JAZF1: variants seen among roughly 807,000 people sequenced by gnomAD.
JAZF1 encodes JAZF zinc finger 1, also known as juxtaposed with another zinc finger protein 1.
A neutral mutation model predicts 26.4 loss-of-function variants in JAZF1; 8 were observed. The ratio of observed to expected loss-of-function variants is 0.30; its 90% CI spans 0.18 to 0.55. JAZF1 has a LOEUF of 0.55. JAZF1 is among the 20% of genes least tolerant of loss of function. The probability of loss-of-function intolerance (pLI) is 0.94; values close to 1 mark genes in which losing one functional copy is unlikely to be tolerated. For synonymous variants in JAZF1, 126 were observed against 122.3 expected (o/e 1.03, Z -0.20); for missense variants, 199 against 322.0 (o/e 0.62, Z 2.92).
intron 1 of JAZF1, among the ~76,000 whole-genome samples, chr7:28,175,527 C>A (rs557563656): frequency 6.6e-6 from 1 of 152,302 alleles, no homozygotes; most frequent in South Asian, 2.1e-4. Context: ...TGCTACTATC[C>A]TCATTTTACA....
chr7:28,011,788 C>T (rs377728347), intron 1 of JAZF1, among the ~76,000 whole-genome samples: 1 of 152,196 alleles, frequency 6.6e-6, no homozygotes, highest in East Asian at 1.9e-4. Context: ...CCTCTCTCTC[C>T]AGCCCTTCTT....
At chr7:27,958,654 G>A (rs1489145035) in intron 2 of JAZF1, among the ~76,000 whole-genome samples, 2 of 152,142 alleles carry the variant, frequency 1.3e-5, no homozygotes, top group Non-Finnish European at 1.5e-5. Flanking sequence ...TTCTTGTTTC[G>A]AGCCAGGGGT....
chr7:28,168,757 C>T (rs754927420), intron 1 of JAZF1, among the ~76,000 whole-genome samples: 1 of 152,212 alleles, frequency 6.6e-6, no homozygotes, highest in African/African-American at 2.4e-5. Flanking sequence ...CTAAAAACTA[C>T]ACCCACAGAA....
chr7:28,132,203 A>G (rs1782806218), intron 1 of JAZF1, among the ~76,000 whole-genome samples: 1 of 152,226 alleles, frequency 6.6e-6, no homozygotes, highest in Non-Finnish European at 1.5e-5. Context: ...TAGGGTAAGC[A>G]GTACATGGCG....
intron 1 of JAZF1, among the ~76,000 whole-genome samples, chr7:28,162,019 T>C (rs1168288286): frequency 1.3e-5 from 2 of 152,210 alleles, no homozygotes; most frequent in African/African-American, 2.4e-5. Flanking sequence ...GCACAATAAA[T>C]TGTAATTGCT....
intron 2 of JAZF1, among the ~76,000 whole-genome samples, chr7:27,901,749 C>A (rs1784163506): frequency 6.6e-6 from 1 of 152,146 alleles, no homozygotes; most frequent in Non-Finnish European, 1.5e-5. Flanking sequence ...AACTGGTGGC[C>A]TCCGGGAGTC....
chr7:27,993,427 CG>C (rs1785945968), intron 1 of JAZF1, among the ~76,000 whole-genome samples: 1 of 152,142 alleles, frequency 6.6e-6, no homozygotes, highest in Non-Finnish European at 1.5e-5. Context: ...CCACTCTTCA[CG>C]GGGAAACGCA....
intron 1 of JAZF1, among the ~76,000 whole-genome samples, chr7:28,102,101 C>T (rs1366426935): frequency 1.3e-5 from 2 of 152,194 alleles, no homozygotes; most frequent in Non-Finnish European, 2.9e-5. Context: ...TGTGCCACCA[C>T]CCTGATTGCC....
At chr7:27,988,530 C>T (rs933638734) in intron 2 of JAZF1, among the ~76,000 whole-genome samples, 2 of 152,068 alleles carry the variant, frequency 1.3e-5, no homozygotes, top group African/African-American at 4.8e-5. Flanking sequence ...TGTACACTAC[C>T]AAACCTGGCC....
intron 2 of JAZF1, among the ~76,000 whole-genome samples, chr7:27,920,647 T>C (rs756461153): frequency 6.6e-6 from 1 of 152,232 alleles, no homozygotes; most frequent in Non-Finnish European, 1.5e-5. Context: ...TCTTCTTTCC[T>C]GGCCAGCAGC....
intron 1 of JAZF1, among the ~76,000 whole-genome samples, chr7:28,068,425 C>G (rs566946119): frequency 6.6e-6 from 1 of 152,108 alleles, no homozygotes; most frequent in Non-Finnish European, 1.5e-5. Flanking sequence ...ATCCTCTTGT[C>G]GTATCAATTA....
intron 2 of JAZF1, among the ~76,000 whole-genome samples, chr7:27,955,744 G>A (rs1397638751): frequency 6.6e-6 from 1 of 152,204 alleles, no homozygotes; most frequent in Non-Finnish European, 1.5e-5. Flanking sequence ...TCAGCTGGGA[G>A]TGGTAATATG....
At chr7:28,166,873 CACCT>C (rs1245292063) in intron 1 of JAZF1, among the ~76,000 whole-genome samples, 3 of 152,150 alleles carry the variant, frequency 2.0e-5, no homozygotes, top group Non-Finnish European at 4.4e-5. Context: ...AATCAAATTT[CACCT>C]AATATCTCCA....
At chr7:28,147,454 A>G (rs1459508399) in intron 1 of JAZF1, among the ~76,000 whole-genome samples, 2 of 151,792 alleles carry the variant, frequency 1.3e-5, no homozygotes, top group Non-Finnish European at 2.9e-5. Flanking sequence ...CACTTAACAT[A>G]TTTCTTTCAG....
At chr7:27,863,517 C>T (rs775898453) in intron 3 of JAZF1, among the ~76,000 whole-genome samples, 1 of 152,230 alleles carries the variant, frequency 6.6e-6, no homozygotes, top group Non-Finnish European at 1.5e-5. Flanking sequence ...GGCACAACCT[C>T]CGTACCTGGG....
chr7:28,000,665 C>T (rs1225175983), intron 1 of JAZF1, among the ~76,000 whole-genome samples: 2 of 145,620 alleles, frequency 1.4e-5, no homozygotes, highest in Non-Finnish European at 3.0e-5. Context: ...ACTCTATCAC[C>T]CAGGATGGAG....
chr7:27,938,331 C>G (rs1784788948), intron 2 of JAZF1, among the ~76,000 whole-genome samples: 1 of 152,196 alleles, frequency 6.6e-6, no homozygotes, highest in Non-Finnish European at 1.5e-5. Flanking sequence ...TACCTCTTCC[C>G]TGGGAAAAAC....
At chr7:28,100,434 TA>T (rs1411898522) in intron 1 of JAZF1, among the ~76,000 whole-genome samples, 4 of 151,838 alleles carry the variant, frequency 2.6e-5, no homozygotes, top group African/African-American at 9.7e-5. Flanking sequence ...CATATATATA[TA>T]ATAATAACAA....
intron 3 of JAZF1, among the ~76,000 whole-genome samples, chr7:27,847,055 C>T (rs1026481847): frequency 7.9e-5 from 12 of 152,170 alleles, no homozygotes; most frequent in Admixed American, 6.5e-4. Flanking sequence ...CCACAACCTC[C>T]ACCTCCTGGG....
Sources: gnomAD v4.1 joint callset for allele counts (sites outside exome capture counted in the v4.1 genomes callset) on GRCh38, gnomAD v4.1.1 for gene constraint, MANE v1.5 for transcripts, NCBI Gene and HGNC (gene_info 2026-07-23, HGNC 2026-07-21) for gene names.